Variants in RFX4 observed in about 807,000 individuals in gnomAD.
RFX4 encodes regulatory factor X4.
Under a neutral mutation model 95.0 loss-of-function variants are expected in RFX4, and 10 were observed. The ratio of observed to expected loss-of-function variants is 0.11; its 90% CI spans 0.06 to 0.18. RFX4 has a LOEUF of 0.18. Ranked by LOEUF, RFX4 falls within the 10% of genes least tolerant of loss-of-function variation. The pLI, the probability that RFX4 is intolerant of heterozygous loss-of-function variation, is 1.00. For synonymous variants in RFX4, 321 were observed against 340.7 expected (o/e 0.94, Z 0.64); for missense variants, 640 against 922.0 (o/e 0.69, Z 3.96).
chr12:106,682,161 A>ATTCT, intron 5 of RFX4, 107 bp downstream of exon 5: 3 of 1,149,248 alleles, frequency 2.6e-6, no homozygotes, highest in Non-Finnish European at 3.9e-6. Context: ...GCCTGGCAGA[A>ATTCT]GTCTGTGCCT....
At chr12:106,758,587 G>A (rs1156298283) in intron 17 of RFX4, among the ~76,000 whole-genome samples, 1 of 152,158 alleles carries the variant, frequency 6.6e-6, no homozygotes, top group Non-Finnish European at 1.5e-5. Flanking sequence ...CCAAGGCAAG[G>A]GGGACTCTGT....
chr12:106,684,459 G>T (rs979562077), intron 5 of RFX4, among the ~76,000 whole-genome samples: 5 of 152,196 alleles, frequency 3.3e-5, no homozygotes, highest in African/African-American at 4.8e-5. Context: ...GGTGAGGAAT[G>T]TGTTGTTGTG....
At chr12:106,644,279 G>A (rs1186430721) in intron 3 of RFX4, among the ~76,000 whole-genome samples, 1 of 147,542 alleles carries the variant, frequency 6.8e-6, no homozygotes, top group Non-Finnish European at 1.5e-5. Context: ...TGTCACTCAG[G>A]CTGGAGTGCA....
Position 106,583,161 on chromosome 12 carries a change from C to T in RFX4, c.-160C>T. 3 of 548,356 alleles carry T rather than the reference C, an allele frequency of 5.5e-6. No homozygotes were observed. The highest frequency in any genetic ancestry group is 9.0e-6 in the Non-Finnish European group (3 of 333,160). 34.0% of individuals were successfully genotyped at this position (548,356 alleles called of 1,614,324 possible). ...TTTTCTTTCCTCTTCTTTTTCTTTT[C>T]TTTTCCTTTCCTCCTTTATCCTTGT... is the stretch of plus-strand genomic sequence containing the variant. On this transcript the variant is annotated 5_prime_UTR_variant, in exon 1 of 18. Coordinates refer to ENST00000392842, the MANE Select transcript of RFX4 (RefSeq NM_213594.3).
At chr12:106,727,355 AC>A (rs2042521701) in intron 13 of RFX4, among the ~76,000 whole-genome samples, 1 of 152,214 alleles carries the variant, frequency 6.6e-6, no homozygotes, top group African/African-American at 2.4e-5. Flanking sequence ...AAGGGCATCT[AC>A]AAGTCTGCAG....
At chr12:106,619,646 C>A (rs1027152193) in intron 2 of RFX4, among the ~76,000 whole-genome samples, 2 of 152,190 alleles carry the variant, frequency 1.3e-5, no homozygotes, top group African/African-American at 4.8e-5. Flanking sequence ...TTTGCAGATT[C>A]TTTGCCATTG....
intron 17 of RFX4, among the ~76,000 whole-genome samples, chr12:106,756,835 TTA>T (rs2136103891): frequency 6.6e-6 from 1 of 152,326 alleles, no homozygotes; most frequent in African/African-American, 2.4e-5. Flanking sequence ...TAGGGTAATT[TTA>T]TAATTAAGAT....
At chr12:106,745,797 T>A (rs1162056411) in intron 15 of RFX4, among the ~76,000 whole-genome samples, 1 of 152,212 alleles carries the variant, frequency 6.6e-6, no homozygotes, top group Non-Finnish European at 1.5e-5. Flanking sequence ...TAAAGGGGGA[T>A]GTTGAATCCC....
At chr12:106,760,136 CAGA>C (rs1279737285) in intron 17 of RFX4, among the ~76,000 whole-genome samples, 3 of 152,270 alleles carry the variant, frequency 2.0e-5, no homozygotes, top group African/African-American at 7.2e-5. Flanking sequence ...AGATGGGGAG[CAGA>C]AGAATTCATA....
chr12:106,654,135 G>T, intron 3 of RFX4, 93 bp from the exon 4 acceptor site: 1 of 1,526,636 alleles, frequency 6.6e-7, no homozygotes, highest in Non-Finnish European at 9.0e-7. Flanking sequence ...TTATTTCTAA[G>T]GACTGCCCAT....
intron 1 of RFX4, among the ~76,000 whole-genome samples, chr12:106,592,229 T>TAGAATA (rs374365342): frequency 3.3e-5 from 5 of 152,274 alleles, no homozygotes; most frequent in African/African-American, 1.2e-4. Flanking sequence ...TAGACTGTTT[T>TAGAATA]AGAATACCTA....
intron 17 of RFX4, among the ~76,000 whole-genome samples, chr12:106,755,546 G>A (rs182067294): frequency 1.6e-4 from 24 of 152,282 alleles, no homozygotes; most frequent in Admixed American, 3.3e-4. Context: ...CTACTGTTTC[G>A]GAGAGTGGAA....
intron 13 of RFX4, among the ~76,000 whole-genome samples, chr12:106,731,888 C>T (rs919510091): frequency 5.9e-5 from 9 of 152,116 alleles, no homozygotes. Flanking sequence ...ATAACTTCAG[C>T]AAGGAAAAGA....
chr12:106,668,565 A>T (rs893976969), intron 4 of RFX4, among the ~76,000 whole-genome samples: 2 of 152,150 alleles, frequency 1.3e-5, no homozygotes, highest in Non-Finnish European at 2.9e-5. Flanking sequence ...AGCCCCTCTT[A>T]AAAAAATTTT....
At chr12:106,653,435 C>T (rs532316346) in intron 3 of RFX4, among the ~76,000 whole-genome samples, 2 of 152,160 alleles carry the variant, frequency 1.3e-5, no homozygotes, top group Non-Finnish European at 2.9e-5. Flanking sequence ...ATCATTATAA[C>T]CACTTTAGGA....
At chr12:106,669,138 A>T (rs957091652) in intron 4 of RFX4, among the ~76,000 whole-genome samples, 2 of 152,196 alleles carry the variant, frequency 1.3e-5, no homozygotes, top group Non-Finnish European at 2.9e-5. Context: ...AGATCAGTTG[A>T]TGCAATCCCT....
chr12:106,709,515 A>T, intron 9 of RFX4, 85 bp downstream of exon 9: 7 of 980,026 alleles, frequency 7.1e-6, no homozygotes, highest in African/African-American at 1.6e-5. Flanking sequence ...TAGTAGCAGC[A>T]GCTACTGTTT....
intron 3 of RFX4, among the ~76,000 whole-genome samples, chr12:106,642,374 G>C (rs943032685): frequency 1.3e-5 from 2 of 151,848 alleles, no homozygotes; most frequent in African/African-American, 4.8e-5. Flanking sequence ...CCAGCACTTT[G>C]AGAGGCTGAA....
intron 4 of RFX4, among the ~76,000 whole-genome samples, chr12:106,672,124 ATTC>A (rs1308925126): frequency 1.3e-5 from 2 of 152,114 alleles, no homozygotes; most frequent in African/African-American, 4.8e-5. Flanking sequence ...CATCTCGGAA[ATTC>A]TTGCTTAAAA....
Sources: allele counts gnomAD v4.1 joint callset (sites outside exome capture counted in the v4.1 genomes callset), GRCh38; gene constraint gnomAD v4.1.1; transcripts MANE v1.5; gene names NCBI Gene and HGNC (gene_info 2026-07-23, HGNC 2026-07-21).